Variants in BEND2 observed in about 807,000 individuals in gnomAD.
BEND2 encodes BEN domain-containing protein 2.
A neutral mutation model predicts 43.8 loss-of-function variants in BEND2; 19 were observed. The observed-to-expected ratio is 0.43, with a 90% CI of 0.30 to 0.64. The LOEUF is 0.64. BEND2 is among the 30% of genes least tolerant of loss of function. The pLI, the probability that BEND2 is intolerant of heterozygous loss-of-function variation, is 0.11. For synonymous variants in BEND2, 226 were observed against 210.1 expected, an observed-to-expected ratio of 1.08 and a Z score of -0.66; for missense variants, 544 against 574.0, an observed-to-expected ratio of 0.95 and a Z score of 0.53.
Position 18,216,537 on chromosome X carries a change from T to G in BEND2, c.222A>C (p.Pro74=). Residue 74 remains proline, a synonymous_variant, in exon 2 of 14, where the codon CCA becomes CCC. Transcript: ENST00000380033. ...CAAAATTACCATATGACATTTGGAG[T>G]GGACGGTGATGGCCATCATTGCCGC... The part of the protein sequence containing the change: ...FPGGNDGHHR[P]LQMSYGSGSV... The G allele has an allele frequency of 8.3e-7, 1 of 1,203,215 alleles. No individual in the cohort carries two copies.
chrX:18,177,433 T>C, intron 10 of BEND2, 136 bp downstream of exon 10: 2 of 646,441 alleles, frequency 3.1e-6, no homozygotes, highest in East Asian at 3.3e-5. Context: ...AAAATCAGGG[T>C]CAGACAGGTG....
At chrX:18,167,493 A>G (rs1923854558) in intron 13 of BEND2, among the ~76,000 whole-genome samples, 2 of 111,488 alleles carry the variant, frequency 1.8e-5, no homozygotes, top group African/African-American at 6.5e-5. Flanking sequence ...AATACTAACA[A>G]TAAGTACTGG....
chrX:18,163,003 A>G lies in BEND2; in HGVS notation c.*2006T>C, dbSNP rs1350491799. 8.9e-6 allele frequency: 1 copy of G among 112,667 alleles called. No individual in the cohort carries two copies. The highest frequency in any genetic ancestry group is 3.2e-5 in the African/African-American group (1 of 31,050). The allele number at this position is 112,667 out of a possible 1,213,427, so 9.3% of individuals were successfully genotyped here. On this transcript the variant is annotated 3_prime_UTR_variant, in exon 14 of 14. Transcript: ENST00000380033. ...ACATTAAAGATACATTTATTTATCA[A>G]AAATGAGTCTTATGAGCAGGCATTT...
At chrX:18,207,126 C>A (rs897247758) in intron 4 of BEND2, among the ~76,000 whole-genome samples, 2 of 111,159 alleles carry the variant, frequency 1.8e-5, no homozygotes, top group African/African-American at 6.5e-5. Flanking sequence ...CTTCCCAGCT[C>A]GCCTCTGCAC....
At chrX:18,211,436 T>C (rs967314584) in intron 4 of BEND2, among the ~76,000 whole-genome samples, 1 of 111,869 alleles carries the variant, frequency 8.9e-6, no homozygotes, top group Non-Finnish European at 1.9e-5. Context: ...AGCATGTTCA[T>C]AGTCACTTTA....
intron 4 of BEND2, among the ~76,000 whole-genome samples, chrX:18,209,771 G>C (rs753958823): frequency 9.0e-6 from 1 of 111,270 alleles, no homozygotes; most frequent in African/African-American, 3.3e-5. Flanking sequence ...TGGGATACTA[G>C]ATTTTATCCT....
chrX:18,205,291 C>T (rs370769474), intron 4 of BEND2, among the ~76,000 whole-genome samples: 2 of 110,218 alleles, frequency 1.8e-5, no homozygotes, highest in Admixed American at 9.8e-5. Flanking sequence ...TAGCCAGGCA[C>T]GGTGGCTCAT....
chrX:18,193,793 G>T (rs1209271369), intron 7 of BEND2, among the ~76,000 whole-genome samples: 1 of 111,379 alleles, frequency 9.0e-6, no homozygotes, highest in Non-Finnish European at 1.9e-5. Context: ...CGATAAAGAG[G>T]CGTTACCTTG....
chrX:18,194,033 T>TA (rs1375650374), intron 7 of BEND2, among the ~76,000 whole-genome samples: 2 of 111,423 alleles, frequency 1.8e-5, no homozygotes, highest in Admixed American at 9.6e-5. Context: ...GATTTACCCT[T>TA]AAAAAAATGG....
At chrX:18,172,955 G>C (rs1435659564) in intron 12 of BEND2, among the ~76,000 whole-genome samples, 2 of 110,930 alleles carry the variant, frequency 1.8e-5, no homozygotes, top group Non-Finnish European at 3.8e-5. Context: ...GAATCATAAT[G>C]TTTCAAAATG....
chrX:18,175,472 T>C (rs1405470533), intron 11 of BEND2, among the ~76,000 whole-genome samples: 2 of 112,549 alleles, frequency 1.8e-5, no homozygotes, highest in African/African-American at 3.2e-5. Flanking sequence ...TAGATTTCTG[T>C]TACCACATAA....
At chrX:18,179,310 T>A (rs755818659) in intron 9 of BEND2, among the ~76,000 whole-genome samples, 1 of 103,977 alleles carries the variant, frequency 9.6e-6, no homozygotes, top group East Asian at 3.2e-4. Flanking sequence ...TACAGGCACA[T>A]GCCACCACGC....
At chrX:18,198,724 A>T (rs1340035657) in intron 6 of BEND2, among the ~76,000 whole-genome samples, 1 of 110,676 alleles carries the variant, frequency 9.0e-6, no homozygotes. Context: ...AGGACTATAA[A>T]TCATGCTGCT....
chrX:18,177,927 AT>A (rs1197646455), intron 9 of BEND2, among the ~76,000 whole-genome samples, 158 bp from the exon 10 acceptor site: 6 of 111,436 alleles, frequency 5.4e-5, no homozygotes, highest in African/African-American at 1.6e-4. Flanking sequence ...ACTTGGGTGA[AT>A]TTTTTTTCTA....
chrX:18,201,672 T>C lies in BEND2; in HGVS notation c.1033+143A>G, dbSNP rs1925168670. The stretch of plus-strand genomic sequence containing the variant: ...ACACCCGGCTAATTTTTTGTATTTT[T>C]AGTAGAGACGGGTTTTCACCATGTT... On this transcript the variant is annotated intron_variant, in intron 6 of 13. Transcript: ENST00000380033. 1.0e-5 allele frequency: 7 copies of C among 694,834 alleles called. No individual in the cohort carries two copies. In the South Asian group the frequency reaches 2.1e-4, roughly 21 times the overall value. The allele number at this position is 694,834 out of a possible 1,213,427, so 57.3% of individuals were successfully genotyped here. A position where few individuals can be genotyped will look rare whatever the true frequency, so the allele number is the denominator to read the frequency against.
chrX:18,203,383 T>C (rs1432598554), intron 5 of BEND2, 118 bp downstream of exon 5: 16 of 864,724 alleles, frequency 1.9e-5, no homozygotes, highest in Admixed American at 3.1e-5. Context: ...TATGAATCTA[T>C]AATGGCTTCA....
chrX:18,194,972 A>AACACACACACACAC (rs201244726), intron 7 of BEND2, among the ~76,000 whole-genome samples: 68 of 99,325 alleles, frequency 6.8e-4, no homozygotes, highest in African/African-American at 2.4e-3. Flanking sequence ...CATAGTACTA[A>AACACACACACACAC]ACACACACAC....
At chrX:18,207,952 G>A (rs1925390653) in intron 4 of BEND2, among the ~76,000 whole-genome samples, 1 of 109,942 alleles carries the variant, frequency 9.1e-6, no homozygotes, top group Admixed American at 9.7e-5. Flanking sequence ...CCGGGAGGCA[G>A]AGGTTGCAGT....
intron 2 of BEND2, 105 bp downstream of exon 2, chrX:18,216,415 TG>T: frequency 1.4e-6 from 1 of 700,406 alleles, no homozygotes; most frequent in Non-Finnish European, 2.2e-6. Flanking sequence ...CTAAGCCCTC[TG>T]GTCATAACTA....
Sources: gnomAD v4.1 joint callset for allele counts (sites outside exome capture counted in the v4.1 genomes callset) on GRCh38, gnomAD v4.1.1 for gene constraint, MANE v1.5 for transcripts, NCBI Gene and HGNC (gene_info 2026-07-23, HGNC 2026-07-21) for gene names.